SPATA31H1: variants seen among roughly 807,000 people sequenced by gnomAD.
The protein encoded by SPATA31H1 is spermatogenesis-associated protein 31H1.
At chr2:27,560,339 T>A in the SPATA31H1 span, among the ~76,000 whole-genome samples, 15 of 145,124 alleles carry the variant, frequency 1.0e-4, no homozygotes, top group Admixed American at 2.7e-4. Flanking sequence ...TTGACTGTAT[T>A]TTTTCATTCT....
At chr2:27,551,045 T>C in the SPATA31H1 span, among the ~76,000 whole-genome samples, 1 of 151,734 alleles carries the variant, frequency 6.6e-6, no homozygotes, top group African/African-American at 2.4e-5. Flanking sequence ...CCTGCCACCA[T>C]ACTCGGCTAA....
At chr2:27,582,173 G>A in the SPATA31H1 span, 6 of 1,612,426 alleles carry the variant, frequency 3.7e-6, no homozygotes, top group South Asian at 5.5e-5. Context: ...CCTCTGAGAG[G>A]AGAGGACACA....
chr2:27,561,303 G>C, the SPATA31H1 span, among the ~76,000 whole-genome samples: 16 of 152,124 alleles, frequency 1.1e-4, no homozygotes, highest in African/African-American at 3.9e-4. Flanking sequence ...ACTCCAGCCT[G>C]GGTGACAGAA....
chr2:27,569,169 C>T, the SPATA31H1 span: 1 of 398,934 alleles, frequency 2.5e-6, no homozygotes, highest in Admixed American at 4.4e-5. Context: ...TCCAGTATCA[C>T]AACACACAAC....
At chr2:27,570,387 A>T in the SPATA31H1 span, 9 of 398,846 alleles carry the variant, frequency 2.3e-5, no homozygotes, top group South Asian at 2.5e-4. Context: ...GCAAGATATC[A>T]AATTTTCTGA....
the SPATA31H1 span, chr2:27,571,741 T>C: frequency 2.5e-6 from 1 of 398,348 alleles, no homozygotes; most frequent in Admixed American, 4.4e-5. Flanking sequence ...TGTTTAAAGC[T>C]TCGAAGTTTA....
chr2:27,565,395 T>A, the SPATA31H1 span: 2 of 717,374 alleles, frequency 2.8e-6, no homozygotes, highest in Non-Finnish European at 5.2e-6. Context: ...AGAGATCCTA[T>A]CCTTTACTCT....
the SPATA31H1 span, among the ~76,000 whole-genome samples, chr2:27,538,647 C>G: frequency 1.3e-5 from 2 of 152,020 alleles, no homozygotes; most frequent in Non-Finnish European, 2.9e-5. Context: ...GCCTGGCCAA[C>G]ATGGTGGAAC....
At chr2:27,578,323 G>C in the SPATA31H1 span, 1 of 1,614,044 alleles carries the variant, frequency 6.2e-7, no homozygotes, top group Non-Finnish European at 8.5e-7. Flanking sequence ...GAGTTGACAG[G>C]GTTTCAAATT....
the SPATA31H1 span, among the ~76,000 whole-genome samples, chr2:27,542,871 C>T: frequency 2.0e-5 from 3 of 151,964 alleles, no homozygotes; most frequent in Middle Eastern, 3.4e-3. Flanking sequence ...CTGAGGCAGG[C>T]GGATCACCTG....
the SPATA31H1 span, chr2:27,578,425 T>C: frequency 3.1e-6 from 5 of 1,614,044 alleles, no homozygotes; most frequent in Admixed American, 1.7e-5. Flanking sequence ...GTAGAACCAA[T>C]AGGAGTAGCC....
At chr2:27,578,022 C>G in the SPATA31H1 span, 328 of 1,614,002 alleles carry the variant, frequency 2.0e-4, no homozygotes, top group Non-Finnish European at 2.6e-4. Flanking sequence ...GCCACTAGAT[C>G]AAGTCACAGA....
the SPATA31H1 span, among the ~76,000 whole-genome samples, chr2:27,540,289 C>T: frequency 1.8e-3 from 234 of 129,668 alleles, no homozygotes; most frequent in Non-Finnish European, 2.9e-3. Context: ...CCACCTCCCT[C>T]CCGGACGGGG....
chr2:27,569,157 A>T, the SPATA31H1 span: 1 of 398,928 alleles, frequency 2.5e-6, no homozygotes, highest in South Asian at 1.3e-4. Context: ...AATGGGGGAA[A>T]CTCCAGTATC....
the SPATA31H1 span, among the ~76,000 whole-genome samples, chr2:27,561,007 T>C: frequency 6.6e-6 from 1 of 152,192 alleles, no homozygotes; most frequent in African/African-American, 2.4e-5. Flanking sequence ...TTTGTCATTT[T>C]GAGGTTCCAT....
the SPATA31H1 span, chr2:27,569,234 G>A: frequency 2.5e-6 from 1 of 398,988 alleles, no homozygotes; most frequent in Non-Finnish European, 4.4e-6. Flanking sequence ...TGAAATCAGA[G>A]GGGGTGACCA....
the SPATA31H1 span, among the ~76,000 whole-genome samples, chr2:27,562,886 C>CAAA: frequency 8.1e-6 from 1 of 123,930 alleles, no homozygotes; most frequent in Admixed American, 8.3e-5. Flanking sequence ...GATTCTGTCT[C>CAAA]AAAAAAAAAA....
the SPATA31H1 span, among the ~76,000 whole-genome samples, chr2:27,555,691 A>C: frequency 2.0e-5 from 3 of 151,928 alleles, no homozygotes; most frequent in Admixed American, 1.3e-4. Context: ...AAAGGAAAAA[A>C]AATATCTAGG....
chr2:27,577,768 T>G, the SPATA31H1 span: 2 of 1,614,098 alleles, frequency 1.2e-6, no homozygotes. This position sits in a 1 kb window ranked among gnomAD's most constrained non-coding sequence, Gnocchi z 4.5. Flanking sequence ...GGACATCAAG[T>G]CCCAGAATCT....
Sources: allele counts gnomAD v4.1 joint callset (sites outside exome capture counted in the v4.1 genomes callset), GRCh38; gene constraint gnomAD v4.1.1; non-coding constraint Gnocchi (gnomAD v3.1); transcripts MANE v1.5; gene names NCBI Gene and HGNC (gene_info 2026-07-23, HGNC 2026-07-21).